The following KCTD8 variants were observed in gnomAD, a reference collection of about 807,000 sequenced individuals.
KCTD8 encodes the protein BTB/POZ domain-containing protein KCTD8.
KCTD8 carries 27 observed loss-of-function variants against 31.5 expected under a neutral mutation model. The observed-to-expected ratio is 0.86, with a 90% CI of 0.63 to 1.18. The LOEUF is 1.18. KCTD8 is among the 50% of genes most tolerant of loss of function. KCTD8 has a pLI of 0.00. For synonymous variants in KCTD8, 290 were observed against 280.0 expected (o/e 1.04, Z -0.36); for missense variants, 658 against 647.7 (o/e 1.02, Z -0.17).
At chr4:44,271,668 A>G (rs1716607751) in intron 1 of KCTD8, among the ~76,000 whole-genome samples, 1 of 152,150 alleles carries the variant, frequency 6.6e-6, no homozygotes, top group Admixed American at 6.5e-5. Context: ...GCCACAAACA[A>G]TAGCATGAGC....
chr4:44,271,845 T>C (rs1716613920), intron 1 of KCTD8, among the ~76,000 whole-genome samples: 1 of 152,026 alleles, frequency 6.6e-6, no homozygotes, highest in Non-Finnish European at 1.5e-5. Context: ...TGGGTAAATC[T>C]CTGTTTGGGG....
At chr4:44,342,091 G>A (rs1208255041) in intron 1 of KCTD8, among the ~76,000 whole-genome samples, 1 of 152,158 alleles carries the variant, frequency 6.6e-6, no homozygotes, top group Non-Finnish European at 1.5e-5. Context: ...AAAGGAATAG[G>A]CTGGGCGTGT....
intron 1 of KCTD8, among the ~76,000 whole-genome samples, chr4:44,221,445 T>C (rs1262997161): frequency 1.3e-5 from 2 of 151,928 alleles, no homozygotes; most frequent in African/African-American, 4.8e-5. Flanking sequence ...AGGATAGATG[T>C]ATATATGAAA....
chr4:44,317,232 T>C (rs1037458610), intron 1 of KCTD8, among the ~76,000 whole-genome samples: 2 of 50,878 alleles, frequency 3.9e-5, no homozygotes. Context: ...TGCTTTCTTT[T>C]TTTTTTTTTT....
intron 1 of KCTD8, among the ~76,000 whole-genome samples, chr4:44,325,163 A>T (rs1718410434): frequency 6.6e-6 from 1 of 152,030 alleles, no homozygotes. Context: ...ATATCTAGCC[A>T]CAGCTATTTC....
chr4:44,299,149 A>C (rs1339969736), intron 1 of KCTD8, among the ~76,000 whole-genome samples: 1 of 152,216 alleles, frequency 6.6e-6, no homozygotes, highest in Non-Finnish European at 1.5e-5. Context: ...GAAACATAAA[A>C]GTAAGAAAGA....
intron 1 of KCTD8, among the ~76,000 whole-genome samples, chr4:44,188,671 A>G (rs1436817517): frequency 6.6e-6 from 1 of 152,186 alleles, no homozygotes; most frequent in Non-Finnish European, 1.5e-5. Context: ...ACTGGACCCT[A>G]AAGTCAATCA....
At chr4:44,396,006 T>C (rs760150971) in intron 1 of KCTD8, among the ~76,000 whole-genome samples, 12 of 152,126 alleles carry the variant, frequency 7.9e-5, no homozygotes, top group Non-Finnish European at 1.3e-4. Context: ...ATTATTACAC[T>C]GCGGTATATA....
chr4:44,178,883 G>A (rs1713294221), intron 1 of KCTD8, among the ~76,000 whole-genome samples: 1 of 152,170 alleles, frequency 6.6e-6, no homozygotes, highest in Non-Finnish European at 1.5e-5. Context: ...AGCCCTCTTT[G>A]AAGAAGAGAT....
intron 1 of KCTD8, among the ~76,000 whole-genome samples, chr4:44,443,122 T>C (rs945361715): frequency 1.3e-5 from 2 of 152,250 alleles, no homozygotes; most frequent in Non-Finnish European, 2.9e-5. Flanking sequence ...CTTGATGTTT[T>C]AAAAAGTTAT....
intron 1 of KCTD8, among the ~76,000 whole-genome samples, chr4:44,357,207 G>C (rs547067874): frequency 6.6e-6 from 1 of 151,492 alleles, no homozygotes; most frequent in South Asian, 2.1e-4. Flanking sequence ...AGAAAATTAA[G>C]AAACAAAAAG....
At chr4:44,416,351 G>C (rs993556986) in intron 1 of KCTD8, among the ~76,000 whole-genome samples, 2 of 152,120 alleles carry the variant, frequency 1.3e-5, no homozygotes, top group Non-Finnish European at 2.9e-5. Flanking sequence ...CTTGATGCTG[G>C]AATGAGTTAA....
rs184027740 is a variant in KCTD8 at position 44,220,458 on chromosome 4, G to A, written c.962-45208C>T. Among the ~76,000 whole-genome samples, 154 of 152,278 alleles carry A rather than the reference G, an allele frequency of 1.0e-3. 1 individual carries two copies. Among genetic ancestry groups the A allele is most frequent in the African/African-American group, 3.6e-3 (150 of 41,564 alleles). On this transcript the variant is annotated intron_variant, in intron 1 of 1. Transcript: ENST00000360029. ...GGAACACCATCCTCTAAATCTGATCGTATCCAAAACACTAGTCACTGCCCT... is the reference window on the plus strand; with the variant it reads ...GGAACACCATCCTCTAAATCTGATCATATCCAAAACACTAGTCACTGCCCT...
intron 1 of KCTD8, among the ~76,000 whole-genome samples, chr4:44,278,208 G>A (rs866028039): frequency 3.8e-4 from 58 of 151,988 alleles, no homozygotes; most frequent in Admixed American, 4.6e-4. Context: ...GAAACCTTAG[G>A]AAAGAAATCC....
intron 1 of KCTD8, among the ~76,000 whole-genome samples, chr4:44,426,029 A>C (rs1411575810): frequency 6.6e-6 from 1 of 151,902 alleles, no homozygotes; most frequent in Non-Finnish European, 1.5e-5. Flanking sequence ...TTGAAAAAAA[A>C]GTGTCTAGAA....
chr4:44,238,657 G>A (rs867337773), intron 1 of KCTD8, among the ~76,000 whole-genome samples: 3 of 152,026 alleles, frequency 2.0e-5, no homozygotes, highest in South Asian at 4.1e-4. Context: ...ATTCCAAACT[G>A]AAAAACAAAT....
At chr4:44,376,887 G>T (rs779422363) in intron 1 of KCTD8, among the ~76,000 whole-genome samples, 14 of 152,058 alleles carry the variant, frequency 9.2e-5, no homozygotes, top group Non-Finnish European at 1.0e-4. Context: ...AGCAGCAAGC[G>T]GCATGGAAAG....
chr4:44,371,525 A>G (rs969057156), intron 1 of KCTD8, among the ~76,000 whole-genome samples: 1 of 152,340 alleles, frequency 6.6e-6, no homozygotes, highest in Middle Eastern at 3.4e-3. Flanking sequence ...TGAATGGAAT[A>G]TAGGTAGTCG....
chr4:44,247,780 T>C (rs1715709940), intron 1 of KCTD8, among the ~76,000 whole-genome samples: 2 of 151,912 alleles, frequency 1.3e-5, no homozygotes, highest in African/African-American at 2.4e-5. Context: ...ATTCATGTTG[T>C]CACATATGGT....
Sources: gnomAD v4.1 joint callset for allele counts (sites outside exome capture counted in the v4.1 genomes callset) on GRCh38, gnomAD v4.1.1 for gene constraint, MANE v1.5 for transcripts, NCBI Gene and HGNC (gene_info 2026-07-23, HGNC 2026-07-21) for gene names.